The following ADGRB3 variants were observed in gnomAD, a reference collection of about 807,000 sequenced individuals.
ADGRB3 encodes the protein brain-specific angiogenesis inhibitor 3.
ADGRB3 carries 37 observed loss-of-function variants against 193.4 expected under a neutral mutation model. The observed-to-expected ratio is 0.19, with a 90% CI of 0.15 to 0.25. ADGRB3 has a LOEUF of 0.25. Among genes scored for constraint, ADGRB3 ranks in the 10% least tolerant of loss-of-function variants. The probability of loss-of-function intolerance (pLI) is 1.00; values close to 1 mark genes in which losing one functional copy is unlikely to be tolerated. For missense variants in ADGRB3, 1,637 were observed against 1,852.9 expected, an observed-to-expected ratio of 0.88 and a Z score of 2.14; for synonymous variants, 690 against 644.2, an observed-to-expected ratio of 1.07 and a Z score of -1.08.
chr6:68,883,475 T>A (rs28594921), intron 3 of ADGRB3, among the ~76,000 whole-genome samples: 1 of 152,004 alleles, frequency 6.6e-6, no homozygotes, highest in Non-Finnish European at 1.5e-5. Flanking sequence ...ATAAATCTTG[T>A]TGCTTCTCGC....
intron 3 of ADGRB3, among the ~76,000 whole-genome samples, chr6:68,779,229 TA>T (rs1413856654): frequency 9.7e-6 from 1 of 102,790 alleles, no homozygotes; most frequent in Non-Finnish European, 2.0e-5. Context: ...ATGTATATAT[TA>T]TGTGTGTGTG....
intron 10 of ADGRB3, among the ~76,000 whole-genome samples, chr6:68,987,464 G>A (rs1459491394): frequency 6.6e-6 from 1 of 152,048 alleles, no homozygotes; most frequent in Admixed American, 6.6e-5. Flanking sequence ...GAAAAAGATT[G>A]AATTTCTCCT....
At chr6:68,924,461 G>C (rs1200022250) in intron 3 of ADGRB3, among the ~76,000 whole-genome samples, 1 of 152,006 alleles carries the variant, frequency 6.6e-6, no homozygotes, top group African/African-American at 2.4e-5. Flanking sequence ...TTTACTTGGA[G>C]TAATGTTAAA....
intron 20 of ADGRB3, among the ~76,000 whole-genome samples, chr6:69,266,296 G>A (rs1283285339): frequency 6.6e-6 from 1 of 151,930 alleles, no homozygotes; most frequent in Non-Finnish European, 1.5e-5. Flanking sequence ...AACAAAATCT[G>A]CATGTTTTAG....
At chr6:69,041,066 G>C (rs143888272) in intron 13 of ADGRB3, among the ~76,000 whole-genome samples, 1 of 151,752 alleles carries the variant, frequency 6.6e-6, no homozygotes, top group African/African-American at 2.4e-5. Flanking sequence ...ACTCTCTCGG[G>C]CACTGTGGTC....
intron 20 of ADGRB3, among the ~76,000 whole-genome samples, chr6:69,324,425 C>G (rs1165343273): frequency 6.6e-6 from 1 of 152,054 alleles, no homozygotes; most frequent in Non-Finnish European, 1.5e-5. Context: ...GTTACTCTTA[C>G]AGATATAATT....
intron 3 of ADGRB3, among the ~76,000 whole-genome samples, chr6:68,642,872 G>T (rs1297819087): frequency 6.6e-6 from 1 of 151,662 alleles, no homozygotes; most frequent in Non-Finnish European, 1.5e-5. Context: ...AGAAAGACTG[G>T]TATTTATTAA....
At chr6:68,996,069 G>T (rs1393882468) in intron 11 of ADGRB3, among the ~76,000 whole-genome samples, 1 of 152,012 alleles carries the variant, frequency 6.6e-6, no homozygotes, top group Non-Finnish European at 1.5e-5. Context: ...TTTCTAATTG[G>T]CTAGCAACTC....
intron 3 of ADGRB3, among the ~76,000 whole-genome samples, chr6:68,750,566 G>T (rs916236875): frequency 6.6e-6 from 1 of 152,044 alleles, no homozygotes. Flanking sequence ...TTTTATTTTT[G>T]CCTACAACTT....
At chr6:69,165,267 G>C (rs924302594) in intron 17 of ADGRB3, among the ~76,000 whole-genome samples, 4 of 151,976 alleles carry the variant, frequency 2.6e-5, no homozygotes, top group Admixed American at 6.6e-5. Context: ...CCAATTTCTA[G>C]TTATTTATGG....
At chr6:69,312,438 G>A (rs1029457837) in intron 20 of ADGRB3, among the ~76,000 whole-genome samples, 2 of 151,698 alleles carry the variant, frequency 1.3e-5, no homozygotes, top group Non-Finnish European at 3.0e-5. Context: ...TGAAATATAA[G>A]CACAGATGGA....
intron 30 of ADGRB3, among the ~76,000 whole-genome samples, chr6:69,382,401 T>A (rs1769968450): frequency 6.6e-6 from 1 of 151,976 alleles, no homozygotes; most frequent in South Asian, 2.1e-4. Context: ...CCAGCTAGGA[T>A]TTTAGTGTTT....
intron 13 of ADGRB3, among the ~76,000 whole-genome samples, chr6:69,043,762 G>A (rs575178487): frequency 5.9e-5 from 9 of 152,206 alleles, no homozygotes; most frequent in Non-Finnish European, 1.2e-4. Context: ...AAGACATTGA[G>A]ACACAGAGAG....
chr6:69,146,070 T>G (rs558215930), intron 17 of ADGRB3, among the ~76,000 whole-genome samples: 1 of 152,224 alleles, frequency 6.6e-6, no homozygotes, highest in Non-Finnish European at 1.5e-5. Flanking sequence ...GGACCCTCCC[T>G]TTTCTGCCCA....
At chr6:68,774,715 A>G (rs1363389731) in intron 3 of ADGRB3, among the ~76,000 whole-genome samples, 3 of 152,108 alleles carry the variant, frequency 2.0e-5, no homozygotes, top group Admixed American at 1.3e-4. Flanking sequence ...AAAAGATTTG[A>G]AATAGAATAG....
intron 3 of ADGRB3, among the ~76,000 whole-genome samples, chr6:68,672,726 A>C (rs1768995938): frequency 6.6e-6 from 1 of 152,080 alleles, no homozygotes; most frequent in Non-Finnish European, 1.5e-5. Flanking sequence ...GTTTTGGTCA[A>C]ACACTAGTCT....
intron 3 of ADGRB3, among the ~76,000 whole-genome samples, chr6:68,925,313 AG>A (rs1205984380): frequency 6.6e-6 from 1 of 152,016 alleles, no homozygotes; most frequent in African/African-American, 2.4e-5. Flanking sequence ...TACAGTATGC[AG>A]GAAATATTTT....
chr6:68,999,397 TG>T (rs1274369828), intron 11 of ADGRB3, among the ~76,000 whole-genome samples: 2 of 151,928 alleles, frequency 1.3e-5, no homozygotes, highest in East Asian at 3.9e-4. Context: ...CCCGAGTAGC[TG>T]GGGCTACAGA....
chr6:68,847,567 C>G (rs975426595), intron 3 of ADGRB3, among the ~76,000 whole-genome samples: 16 of 152,252 alleles, frequency 1.1e-4, no homozygotes, highest in African/African-American at 2.9e-4. Flanking sequence ...GGGGTTTCCA[C>G]TTTTGCTTCT....
Sources: gnomAD v4.1 joint callset for allele counts (sites outside exome capture counted in the v4.1 genomes callset) on GRCh38, gnomAD v4.1.1 for gene constraint, MANE v1.5 for transcripts, NCBI Gene and HGNC (gene_info 2026-07-23, HGNC 2026-07-21) for gene names.